The following FMNL2 variants were observed in gnomAD, a reference collection of about 807,000 sequenced individuals.
The protein encoded by FMNL2 is formin like 2, also known as formin-like protein 2.
In FMNL2, 51 loss-of-function variants were observed where a neutral mutation model predicts 130.2. That is an observed-to-expected ratio of 0.39 (90% confidence interval 0.31 to 0.49). The LOEUF (loss-of-function observed/expected upper bound fraction) is 0.49. FMNL2 is among the 20% of genes least tolerant of loss of function. The pLI, the probability that FMNL2 is intolerant of heterozygous loss-of-function variation, is 0.85. For missense variants in FMNL2, 977 were observed against 1,316.2 expected (o/e 0.74, Z 3.99); for synonymous variants, 465 against 467.1 (o/e 1.00, Z 0.06).
intron 25 of FMNL2, 37 bp downstream of exon 25, chr2:152,640,951 C>T: frequency 6.2e-7 from 1 of 1,611,254 alleles, no homozygotes; most frequent in Non-Finnish European, 8.5e-7. Context: ...CATGGAGATC[C>T]CACTGGCCTC....
chr2:152,417,450 T>G (rs1327401288), intron 1 of FMNL2, among the ~76,000 whole-genome samples: 1 of 152,194 alleles, frequency 6.6e-6, no homozygotes, highest in Non-Finnish European at 1.5e-5. Flanking sequence ...CCTTGTTGGT[T>G]GTTGTGCTGT....
chr2:152,441,125 C>T (rs1688027733), intron 1 of FMNL2, among the ~76,000 whole-genome samples: 1 of 152,118 alleles, frequency 6.6e-6, no homozygotes, highest in Non-Finnish European at 1.5e-5. Context: ...TGGAGTTGAC[C>T]TTAATTGTAA....
chr2:152,491,887 G>T (rs1691224674), intron 1 of FMNL2, among the ~76,000 whole-genome samples: 1 of 152,114 alleles, frequency 6.6e-6, no homozygotes, highest in African/African-American at 2.4e-5. Flanking sequence ...GGAGGCGGAG[G>T]TTGCAGTAAG....
At chr2:152,598,916 A>G (rs1580061101) in intron 9 of FMNL2, among the ~76,000 whole-genome samples, 1 of 152,232 alleles carries the variant, frequency 6.6e-6, no homozygotes, top group Non-Finnish European at 1.5e-5. Context: ...CAGAAAAGCT[A>G]GGGTGTCATT....
chr2:152,524,154 C>T (rs1315740473), intron 2 of FMNL2, among the ~76,000 whole-genome samples: 1 of 152,136 alleles, frequency 6.6e-6, no homozygotes, highest in Non-Finnish European at 1.5e-5. Context: ...TTCAGTGGTA[C>T]TAAATACATT....
chr2:152,626,760 T>C (rs778830997), intron 17 of FMNL2, 33 bp downstream of exon 17: 1 of 1,546,556 alleles, frequency 6.5e-7, no homozygotes, highest in Middle Eastern at 1.7e-4. Context: ...CTAGTTAGTT[T>C]ATGATAAAAT....
chr2:152,378,123 A>G (rs1413954559), intron 1 of FMNL2, among the ~76,000 whole-genome samples: 1 of 151,590 alleles, frequency 6.6e-6, no homozygotes, highest in African/African-American at 2.4e-5. Context: ...AAAAAAAAAA[A>G]AAAAAAAAGT....
chr2:152,605,955 A>G (rs1698338690), intron 9 of FMNL2, among the ~76,000 whole-genome samples: 1 of 152,202 alleles, frequency 6.6e-6, no homozygotes, highest in Non-Finnish European at 1.5e-5. Flanking sequence ...ATTTTAACAT[A>G]ATTACTCATT....
intron 1 of FMNL2, among the ~76,000 whole-genome samples, chr2:152,395,607 C>T (rs1379376170): frequency 2.6e-5 from 4 of 152,154 alleles, no homozygotes; most frequent in Non-Finnish European, 5.9e-5. Flanking sequence ...TACAATGGTA[C>T]ACTTAGAATT....
intron 1 of FMNL2, among the ~76,000 whole-genome samples, chr2:152,437,752 G>A (rs1687842036): frequency 6.6e-6 from 1 of 152,148 alleles, no homozygotes; most frequent in African/African-American, 2.4e-5. Flanking sequence ...AAACAAAAGT[G>A]ACACAGTAGT....
At chr2:152,554,790 T>C (rs2105561351) in intron 4 of FMNL2, among the ~76,000 whole-genome samples, 1 of 152,326 alleles carries the variant, frequency 6.6e-6, no homozygotes, top group African/African-American at 2.4e-5. Context: ...TGAATCACCA[T>C]AGTTTGTCAG....
At chr2:152,552,635 G>A (rs1695001490) in intron 4 of FMNL2, among the ~76,000 whole-genome samples, 2 of 152,142 alleles carry the variant, frequency 1.3e-5, no homozygotes, top group South Asian at 4.1e-4. Flanking sequence ...ATAAGAATTG[G>A]ACTAGAAATA....
Position 152,521,986 on chromosome 2 carries a change from A to T in FMNL2, c.161A>T (p.Gln54Leu). 1 of 1,612,338 alleles carries T rather than the reference A, an allele frequency of 6.2e-7. No individual in the cohort carries two copies. Among genetic ancestry groups the T allele is most frequent in the Non-Finnish European group, 8.5e-7 (1 of 1,179,488 alleles). ...CCTGACAAAGCCAGGTTACTGCGGC[A>T]GTATGATAATGAGAAAAAATGGGAA... Reference protein sequence around the residue: ...LPPDKARLLRQYDNEKKWELI... With the variant: ...LPPDKARLLRLYDNEKKWELI... Residue 54 changes from glutamine to leucine, a missense_variant, in exon 2 of 26, where the codon CAG becomes CTG. By Grantham distance (113) the Gln-to-Leu change is moderately radical. Transcript: ENST00000288670.
intron 1 of FMNL2, among the ~76,000 whole-genome samples, chr2:152,361,407 A>G (rs13022419): frequency 0.77 from 117,392 of 152,060 alleles, 46,284 homozygotes; most frequent in Admixed American, 0.86. Context: ...GGGGCTTTTT[A>G]TATTGTTTCA....
intron 1 of FMNL2, among the ~76,000 whole-genome samples, chr2:152,362,501 G>A (rs779329883): frequency 6.6e-6 from 1 of 152,034 alleles, no homozygotes. Context: ...GATATTTTAT[G>A]GATAAGGAAA....
intron 16 of FMNL2, among the ~76,000 whole-genome samples, 187 bp from the exon 17 acceptor site, chr2:152,626,338 A>G (rs771107246): frequency 6.6e-6 from 1 of 152,206 alleles, no homozygotes; most frequent in Non-Finnish European, 1.5e-5. Context: ...CATCCGACCT[A>G]TGTTCACTTT....
At chr2:152,378,906 G>GT (rs2105889181) in intron 1 of FMNL2, among the ~76,000 whole-genome samples, 1 of 147,490 alleles carries the variant, frequency 6.8e-6, no homozygotes, top group South Asian at 2.2e-4. Context: ...GAGAAGAGGT[G>GT]TGCCTTGAAG....
intron 1 of FMNL2, among the ~76,000 whole-genome samples, chr2:152,519,943 T>C (rs1480362867): frequency 6.6e-6 from 1 of 152,186 alleles, no homozygotes; most frequent in Non-Finnish European, 1.5e-5. Context: ...AACATGAAGG[T>C]CAACACCAGT....
chr2:152,590,483 A>T (rs983066791), intron 9 of FMNL2, among the ~76,000 whole-genome samples: 1 of 152,046 alleles, frequency 6.6e-6, no homozygotes, highest in Non-Finnish European at 1.5e-5. Flanking sequence ...GCTGGGTGGC[A>T]TGTGCCTGTA....
Sources: gnomAD v4.1 joint callset for allele counts (sites outside exome capture counted in the v4.1 genomes callset) on GRCh38, gnomAD v4.1.1 for gene constraint, MANE v1.5 for transcripts, NCBI Gene and HGNC (gene_info 2026-07-23, HGNC 2026-07-21) for gene names.